The following USH2A variants were observed in gnomAD, a reference collection of about 807,000 sequenced individuals.
USH2A encodes Usher syndrome 2A (autosomal recessive, mild).
Under a neutral mutation model 538.9 loss-of-function variants are expected in USH2A, and 443 were observed. That is an observed-to-expected ratio of 0.82 (90% CI 0.76 to 0.89). USH2A has a LOEUF of 0.89. Ranked by LOEUF, USH2A falls within the 40% of genes least tolerant of loss-of-function variation. The probability of loss-of-function intolerance (pLI) is 0.00; values close to 1 mark genes in which losing one functional copy is unlikely to be tolerated. For synonymous variants in USH2A, 2,413 were observed against 2,273.5 expected (o/e 1.06, Z -1.75); for missense variants, 6,633 against 6,324.8 (o/e 1.05, Z -1.65).
At chr1:215,847,270 T>C (rs1415198117) in intron 44 of USH2A, among the ~76,000 whole-genome samples, 1 of 152,156 alleles carries the variant, frequency 6.6e-6, no homozygotes, top group East Asian at 1.9e-4. Context: ...TCAGAGACTT[T>C]TAAGCAGAAA....
intron 37 of USH2A, among the ~76,000 whole-genome samples, chr1:215,943,056 T>A (rs1354158506): frequency 6.6e-6 from 1 of 151,954 alleles, no homozygotes; most frequent in African/African-American, 2.4e-5. Context: ...AAAATTTAGG[T>A]CGAAAGAAGA....
At chr1:216,317,831 T>A (rs919943172) in intron 9 of USH2A, among the ~76,000 whole-genome samples, 1 of 152,018 alleles carries the variant, frequency 6.6e-6, no homozygotes, top group Non-Finnish European at 1.5e-5. Context: ...CCAGCCTCGG[T>A]GACAGAGTGA....
chr1:215,875,638 G>A (rs1254737962), intron 43 of USH2A, among the ~76,000 whole-genome samples: 1 of 151,856 alleles, frequency 6.6e-6, no homozygotes, highest in East Asian at 1.9e-4. Flanking sequence ...CTTGTATAAA[G>A]AAACAAAATT....
intron 37 of USH2A, among the ~76,000 whole-genome samples, chr1:215,940,197 A>G (rs139623003): frequency 1.2e-4 from 18 of 152,220 alleles, no homozygotes; most frequent in Non-Finnish European, 2.2e-4. Flanking sequence ...GTATTAACTA[A>G]TTTTTCCCAC....
Position 215,860,025 on chromosome 1 carries a change from C to G in USH2A, c.8845+6982G>C, listed in dbSNP as rs138058694. ...TTTTGAAGAAATGAATTAGTTCCCT[C>G]AAGAGTGGGTTTTTAGAAAGCCGGG... On this transcript the variant is annotated intron_variant, in intron 44 of 71. Transcript: ENST00000307340. Among the ~76,000 whole-genome samples the G allele has an allele frequency of 4.2e-4, 64 of 152,250 alleles. No homozygotes were observed. The East Asian group carries it at 7.4e-3, about 17-fold the overall frequency.
chr1:215,876,412 C>T (rs1397850415), intron 43 of USH2A, among the ~76,000 whole-genome samples: 1 of 152,148 alleles, frequency 6.6e-6, no homozygotes, highest in Non-Finnish European at 1.5e-5. Flanking sequence ...TGCCATTCCC[C>T]AGAGAGAAGA....
intron 15 of USH2A, among the ~76,000 whole-genome samples, chr1:216,213,286 C>T (rs983110318): frequency 1.3e-5 from 2 of 152,080 alleles, no homozygotes; most frequent in African/African-American, 4.8e-5. Flanking sequence ...ATATCATCTA[C>T]AAGTAAAGAA....
chr1:215,660,788 C>T (rs866041600), intron 64 of USH2A, among the ~76,000 whole-genome samples: 25 of 151,982 alleles, frequency 1.6e-4, no homozygotes, highest in African/African-American at 5.8e-4. Flanking sequence ...AAGAGAGAAC[C>T]GTACAGTTTT....
intron 21 of USH2A, among the ~76,000 whole-genome samples, chr1:216,122,234 A>G (rs1470139454): frequency 6.6e-6 from 1 of 152,164 alleles, no homozygotes; most frequent in African/African-American, 2.4e-5. Flanking sequence ...AGCTGCAAGC[A>G]CGGGAGAAAA....
chr1:216,147,903 C>T (rs1160179290), intron 21 of USH2A, among the ~76,000 whole-genome samples: 2 of 146,364 alleles, frequency 1.4e-5, no homozygotes, highest in Non-Finnish European at 1.5e-5. Flanking sequence ...CTGTGTGGGA[C>T]CCCACTGAAA....
At chr1:216,049,176 T>C (rs2030652330) in intron 30 of USH2A, among the ~76,000 whole-genome samples, 1 of 152,224 alleles carries the variant, frequency 6.6e-6, no homozygotes, top group African/African-American at 2.4e-5. Flanking sequence ...TTGTTTATGT[T>C]GTAGCTAACA....
intron 37 of USH2A, among the ~76,000 whole-genome samples, chr1:215,951,753 A>G (rs1378050630): frequency 6.6e-6 from 1 of 152,162 alleles, no homozygotes; most frequent in Non-Finnish European, 1.5e-5. Flanking sequence ...TTGGGTGCAT[A>G]TATATGTAGG....
chr1:215,821,109 G>T (rs567637767), intron 47 of USH2A, among the ~76,000 whole-genome samples: 9 of 151,774 alleles, frequency 5.9e-5, no homozygotes, highest in Admixed American at 5.9e-4. Flanking sequence ...ACACCCAGTA[G>T]TGAATTGCTA....
At chr1:216,359,820 C>T (rs2038457270) in intron 4 of USH2A, among the ~76,000 whole-genome samples, 1 of 151,810 alleles carries the variant, frequency 6.6e-6, no homozygotes, top group South Asian at 2.1e-4. Context: ...GATTTTAATG[C>T]AATAGTAACA....
chr1:216,139,855 C>T (rs972533745), intron 21 of USH2A, among the ~76,000 whole-genome samples: 3 of 152,100 alleles, frequency 2.0e-5, no homozygotes, highest in African/African-American at 7.2e-5. Context: ...ATTTGTATTG[C>T]CTCCATCTCA....
intron 49 of USH2A, among the ~76,000 whole-genome samples, chr1:215,811,229 T>C (rs1050778023): frequency 1.3e-5 from 2 of 152,208 alleles, no homozygotes; most frequent in Non-Finnish European, 2.9e-5. Context: ...AACTTGCTCC[T>C]TGCTTGGGGG....
At position 216,289,465 on chromosome 1, in the gene USH2A, A is replaced by G. The variant is rs550427907; in HGVS notation, c.1841-55T>C. 8.1e-6 allele frequency: 13 copies of G among 1,610,332 alleles called. No homozygotes were observed. In the Admixed American group the frequency reaches 1.7e-4, roughly 21 times the overall value. On this transcript the variant is annotated intron_variant, in intron 10 of 71. Coordinates refer to ENST00000307340, the MANE Select transcript of USH2A (RefSeq NM_206933.4). Reference sequence around the variant, plus strand: ...CTTCTAATTCATTAAAATCAGCTGCATAATTCAAAATTAAAGACTGTATTC... The same window carrying G: ...CTTCTAATTCATTAAAATCAGCTGCGTAATTCAAAATTAAAGACTGTATTC...
chr1:216,383,612 G>A (rs1435222165), intron 3 of USH2A, among the ~76,000 whole-genome samples: 1 of 152,096 alleles, frequency 6.6e-6, no homozygotes, highest in African/African-American at 2.4e-5. Flanking sequence ...ATTTTCTATG[G>A]GAGTTAACAT....
chr1:215,811,965 CA>C (rs1176325983), intron 49 of USH2A, among the ~76,000 whole-genome samples: 1 of 141,902 alleles, frequency 7.0e-6, no homozygotes, highest in Non-Finnish European at 1.5e-5. Context: ...AAAAACCAAC[CA>C]AAAAAACCCC....
Sources: gnomAD v4.1 joint callset for allele counts (sites outside exome capture counted in the v4.1 genomes callset) on GRCh38, gnomAD v4.1.1 for gene constraint, MANE v1.5 for transcripts, NCBI Gene and HGNC (gene_info 2026-07-23, HGNC 2026-07-21) for gene names.